Variants in PIK3R5 observed in about 807,000 individuals in gnomAD.
PIK3R5 encodes the protein phosphoinositide 3-kinase regulatory subunit 5.
Under a neutral mutation model 94.9 loss-of-function variants are expected in PIK3R5, and 32 were observed. The observed-to-expected ratio is 0.34, with a 90% confidence interval of 0.25 to 0.45. PIK3R5 has a LOEUF of 0.45. PIK3R5 is among the 20% of genes least tolerant of loss of function. The probability of loss-of-function intolerance (pLI) is 1.00; values close to 1 mark genes in which losing one functional copy is unlikely to be tolerated. For synonymous variants in PIK3R5, 443 were observed against 479.4 expected (o/e 0.92, Z 0.99); for missense variants, 853 against 1,144.6 (o/e 0.75, Z 3.68).
At chr17:8,914,689 C>G (rs1456013512) in intron 1 of PIK3R5, among the ~76,000 whole-genome samples, 1 of 152,228 alleles carries the variant, frequency 6.6e-6, no homozygotes, top group East Asian at 1.9e-4. Flanking sequence ...GGCAAACTCG[C>G]TCGCCTGCTC....
rs936928471 is a variant in PIK3R5 at position 8,925,913 on chromosome 17, G to A, written c.-13-14406C>T. On this transcript the variant is annotated intron_variant, in intron 1 of 18. Coordinates refer to ENST00000447110, the MANE Select transcript of PIK3R5 (RefSeq NM_001142633.3). The surrounding 1 kb of genome is among the most constrained non-coding windows in gnomAD (Gnocchi z 5.1). ...CTTTGTCCGAGTTCTATCCCCTTCA[G>A]ACCCCAATGGAGAGGTCTGGGCTAC... Among the ~76,000 whole-genome samples, 1 of 152,216 alleles carries A rather than the reference G, an allele frequency of 6.6e-6. No homozygotes were observed. Among genetic ancestry groups the A allele is most frequent in the Non-Finnish European group, 1.5e-5 (1 of 68,038 alleles).
chr17:8,924,372 A>T (rs537508708), intron 1 of PIK3R5, among the ~76,000 whole-genome samples: 1 of 151,826 alleles, frequency 6.6e-6, no homozygotes, highest in Non-Finnish European at 1.5e-5. Flanking sequence ...AGCCACCTGC[A>T]GCCTGACACA....
At chr17:8,915,300 T>C (rs1472474594) in intron 1 of PIK3R5, among the ~76,000 whole-genome samples, 1 of 151,562 alleles carries the variant, frequency 6.6e-6, no homozygotes, top group Non-Finnish European at 1.5e-5. Flanking sequence ...GGTGCACACC[T>C]GTAATCACAG....
chr17:8,938,967 C>T (rs987952711), intron 1 of PIK3R5, among the ~76,000 whole-genome samples: 14 of 152,174 alleles, frequency 9.2e-5, no homozygotes, highest in African/African-American at 3.4e-4. Context: ...CCTGGAGTTT[C>T]CTCTGTAAAA....
At position 8,880,605 on chromosome 17, in the gene PIK3R5, C is replaced by T; in HGVS notation, c.*34G>A. The T allele has an allele frequency of 6.4e-7, 1 of 1,563,566 alleles. No individual in the cohort carries two copies. The highest frequency in any genetic ancestry group is 8.7e-7 in the Non-Finnish European group (1 of 1,155,630). ...GGAGGGGTGGCCGAGGAGGTTGCCC[C>T]AGGGCTTCTGTCCAGTCTGGCGCTG... On this transcript the variant is annotated 3_prime_UTR_variant, in exon 19 of 19. Transcript: ENST00000447110.
At chr17:8,961,626 ACT>A (rs2091566761) in intron 1 of PIK3R5, among the ~76,000 whole-genome samples, 1 of 151,848 alleles carries the variant, frequency 6.6e-6, no homozygotes, top group African/African-American at 2.4e-5. Context: ...CAAGAGCGAA[ACT>A]CTGTCTAAAA....
At chr17:8,946,195 T>C (rs1349869070) in intron 1 of PIK3R5, among the ~76,000 whole-genome samples, 1 of 151,960 alleles carries the variant, frequency 6.6e-6, no homozygotes, top group East Asian at 1.9e-4. Flanking sequence ...CATACACATC[T>C]GGTGTGACTG....
At chr17:8,963,526 CTTT>C (rs5819210) in intron 1 of PIK3R5, among the ~76,000 whole-genome samples, 2 of 145,672 alleles carry the variant, frequency 1.4e-5, no homozygotes, top group Non-Finnish European at 1.5e-5. Context: ...TCTTCTTCTT[CTTT>C]TTTTTTTTTT....
rs61759656 is a variant in PIK3R5 at position 8,889,587 on chromosome 17, A to G, written c.812-365T>C. Among the ~76,000 whole-genome samples, 579 of 152,270 alleles carry G rather than the reference A, an allele frequency of 3.8e-3. No homozygotes were observed. Among genetic ancestry groups the G allele is most frequent in the Non-Finnish European group, 6.9e-3 (469 of 68,006 alleles). The stretch of plus-strand genomic sequence containing the variant: ...TTCCTCAAAGTCTGTGCTCCCTTCT[A>G]TGGTACTGGAGTCATAGAGACGATG... On this transcript the variant is annotated intron_variant, in intron 8 of 18. Coordinates refer to ENST00000447110, the MANE Select transcript of PIK3R5 (RefSeq NM_001142633.3). The surrounding 1 kb of genome is among the most constrained non-coding windows in gnomAD (Gnocchi z 4.1).
Position 8,904,285 on chromosome 17 carries a change from G to A in PIK3R5, c.412+492C>T, listed in dbSNP as rs1036020309. On this transcript the variant is annotated intron_variant, in intron 5 of 18. Coordinates refer to ENST00000447110, the MANE Select transcript of PIK3R5 (RefSeq NM_001142633.3). This position sits in a 1 kb window ranked among gnomAD's most constrained non-coding sequence, Gnocchi z 5.1. The stretch of plus-strand genomic sequence containing the variant: ...TTCAGACCCCACACATGAAAACTGA[G>A]TCCCGGGTCTTGTCCACATTTGTCA... Among the ~76,000 whole-genome samples the A allele has an allele frequency of 6.6e-6, 1 of 152,178 alleles. No homozygotes were observed. Among genetic ancestry groups the A allele is most frequent in the African/African-American group, 2.4e-5 (1 of 41,442 alleles).
intron 1 of PIK3R5, among the ~76,000 whole-genome samples, chr17:8,931,493 G>A (rs974839071): frequency 1.3e-5 from 2 of 152,138 alleles, no homozygotes; most frequent in East Asian, 1.9e-4. Context: ...TCTTGATTTC[G>A]CTGGGTTTCT....
rs1483349610 is a variant in PIK3R5, at chr17:8,908,537, A to G, written c.204+537T>C. On this transcript the variant is annotated intron_variant, in intron 3 of 18. Transcript: ENST00000447110. ...TGTATTTAAAATAATTAAAACACAC[A>G]CACACACACACACACACACACACAC... Among the ~76,000 whole-genome samples, 6 of 143,404 alleles carry G rather than the reference A, an allele frequency of 4.2e-5. No homozygotes were observed. In the East Asian group the frequency reaches 1.2e-3, roughly 28 times the overall value. 94.1% of individuals were successfully genotyped at this position (143,404 alleles called of 152,430 possible). A position where few individuals can be genotyped will look rare whatever the true frequency, so the allele number is the denominator to read the frequency against.
At chr17:8,927,433 C>A (rs2090904983) in intron 1 of PIK3R5, among the ~76,000 whole-genome samples, 1 of 152,180 alleles carries the variant, frequency 6.6e-6, no homozygotes, top group Admixed American at 6.5e-5. Context: ...TCTTTTATCT[C>A]CATTAGCGGT....
chr17:8,897,996 A>G (rs1172142313), intron 5 of PIK3R5, among the ~76,000 whole-genome samples: 2 of 152,024 alleles, frequency 1.3e-5, no homozygotes, highest in African/African-American at 4.8e-5. Context: ...CTGAGAGTTT[A>G]AGGCATAGTT....
intron 1 of PIK3R5, among the ~76,000 whole-genome samples, chr17:8,922,638 A>C (rs1347053479): frequency 6.6e-6 from 1 of 152,172 alleles, no homozygotes. Flanking sequence ...GACGTCTTGC[A>C]TAAAAATTGG....
chr17:8,905,009 C>G, intron 4 of PIK3R5, 94 bp from the exon 5 acceptor site: 3 of 1,321,210 alleles, frequency 2.3e-6, no homozygotes, highest in Non-Finnish European at 3.2e-6. Context: ...GAATATTCCA[C>G]AAAAGACACA....
In PIK3R5 at chr17:8,888,042, A is replaced by AATAAT. The variant is rs1330213698; in HGVS notation, c.1616+124_1616+128dup. On this transcript the variant is annotated intron_variant, in intron 10 of 18. Transcript: ENST00000447110. This position sits in a 1 kb window ranked among gnomAD's most constrained non-coding sequence, Gnocchi z 7.8. ...TAATAATAATAATAATAATAATAAT[A>AATAAT]ATAATAAAATAAAAATAAATAAGGG... is the stretch of plus-strand genomic sequence containing the variant. 7.3e-6 allele frequency: 2 copies of AATAAT among 272,942 alleles called. No homozygotes were observed. The highest frequency in any genetic ancestry group is 4.6e-5 in the African/African-American group (2 of 43,812). The allele number at this position is 272,942 out of a possible 1,614,324, so 16.9% of individuals were successfully genotyped here. A position where few individuals can be genotyped will look rare whatever the true frequency, so the allele number is the denominator to read the frequency against.
intron 1 of PIK3R5, among the ~76,000 whole-genome samples, chr17:8,924,204 A>C (rs1041771484): frequency 2.7e-5 from 4 of 150,210 alleles, no homozygotes; most frequent in African/African-American, 9.8e-5. Flanking sequence ...TCAGCCTCTC[A>C]AGTAGCTGGA....
chr17:8,910,992 T>C (rs1347859731), intron 2 of PIK3R5, among the ~76,000 whole-genome samples: 2 of 152,190 alleles, frequency 1.3e-5, no homozygotes, highest in Non-Finnish European at 2.9e-5. Flanking sequence ...TTTTCCCTTA[T>C]TCTATAGGGA....
Sources: allele counts gnomAD v4.1 joint callset (sites outside exome capture counted in the v4.1 genomes callset), GRCh38; gene constraint gnomAD v4.1.1; non-coding constraint Gnocchi (gnomAD v3.1); transcripts MANE v1.5; gene names NCBI Gene and HGNC (gene_info 2026-07-23, HGNC 2026-07-21).